PIK3C3: variants seen among roughly 807,000 people sequenced by gnomAD.
PIK3C3 encodes the protein phosphatidylinositol 3-kinase catalytic subunit type 3.
In PIK3C3, 95 loss-of-function variants were observed where a neutral mutation model predicts 126.1. That is an observed-to-expected ratio of 0.75 (90% CI 0.64 to 0.89). PIK3C3 has a LOEUF of 0.89. Among genes scored for constraint, PIK3C3 ranks in the 40% least tolerant of loss-of-function variants. The pLI, the probability that PIK3C3 is intolerant of heterozygous loss-of-function variation, is 0.00. For synonymous variants in PIK3C3, 374 were observed against 360.0 expected, an observed-to-expected ratio of 1.04 and a Z score of -0.44; for missense variants, 829 against 1,063.2, an observed-to-expected ratio of 0.78 and a Z score of 3.06.
rs533424439 is a variant in PIK3C3, at chr18:42,064,618, G to A, written c.2433-122G>A. The A allele has an allele frequency of 2.2e-4, 131 of 583,878 alleles. 3 individuals carry two copies. The South Asian group carries it at 2.9e-3, about 13-fold the overall frequency. 36.2% of individuals were successfully genotyped at this position (583,878 alleles called of 1,614,324 possible). A position where few individuals can be genotyped will look rare whatever the true frequency, so the allele number is the denominator to read the frequency against. On this transcript the variant is annotated intron_variant, in intron 22 of 24. Transcript: ENST00000262039. ...ATTGATACCAACTGATGAATTTTCT[G>A]CTGGAATAATAGTAATCACTGTAGA...
intron 22 of PIK3C3, among the ~76,000 whole-genome samples, chr18:42,060,806 G>T (rs1189409108): frequency 1.3e-5 from 2 of 151,988 alleles, no homozygotes; most frequent in African/African-American, 4.8e-5. Context: ...AAAAAAATGT[G>T]TTTAACTATC....
chr18:41,955,244 TC>T lies in PIK3C3; in HGVS notation c.-46del. ...TCAGCTGGTTCATTTATGTTGTTTT[TC>T]CTGTACCTAAGTTCCCGCTGTAGGT... On this transcript the variant is annotated 5_prime_UTR_variant, in exon 1 of 25. It introduces an in-frame stop codon into an upstream open reading frame of the 5' UTR. Coordinates refer to ENST00000262039, the MANE Select transcript of PIK3C3 (RefSeq NM_002647.4). 1 of 1,521,988 alleles carries T rather than the reference TC, an allele frequency of 6.6e-7. No homozygotes were observed. Among genetic ancestry groups the T allele is most frequent in the Non-Finnish European group, 9.1e-7 (1 of 1,100,758 alleles). The allele number at this position is 1,521,988 out of a possible 1,614,324, so 94.3% of individuals were successfully genotyped here. A position where few individuals can be genotyped will look rare whatever the true frequency, so the allele number is the denominator to read the frequency against.
At chr18:41,996,959 G>A (rs1049247890) in intron 9 of PIK3C3, among the ~76,000 whole-genome samples, 1 of 152,142 alleles carries the variant, frequency 6.6e-6, no homozygotes, top group African/African-American at 2.4e-5. Flanking sequence ...TGAAGTCAGA[G>A]AGACTTGGGT....
intron 15 of PIK3C3, among the ~76,000 whole-genome samples, chr18:42,033,618 G>A (rs1029914401): frequency 2.0e-5 from 3 of 152,168 alleles, no homozygotes; most frequent in African/African-American, 7.2e-5. Flanking sequence ...TCACAGTCAA[G>A]CGATTGTTTG....
intron 21 of PIK3C3, chr18:42,052,786 C>T (rs372501193): frequency 6.6e-6 from 1 of 152,024 alleles, no homozygotes; most frequent in Non-Finnish European, 1.5e-5. Context: ...TAAAAAATGC[C>T]TCGACTGTCA....
In PIK3C3 at chr18:42,013,311, G is replaced by A. The variant is rs557705888; in HGVS notation, c.1171-131G>A. 5.7e-4 allele frequency: 331 copies of A among 584,848 alleles called. 1 individual carries two copies. Among genetic ancestry groups the A allele is most frequent in the African/African-American group, 3.4e-3 (172 of 50,746 alleles). The allele number at this position is 584,848 out of a possible 1,614,324, so 36.2% of individuals were successfully genotyped here. On this transcript the variant is annotated intron_variant, in intron 10 of 24. Transcript: ENST00000262039. ...CAGAGAAGTTAAGTAATTTGGTGAC[G>A]TGCCAAAAGTAATACAGCTGAAAAG...
At chr18:42,037,552 T>A in intron 16 of PIK3C3, 140 bp from the exon 17 acceptor site, 1 of 637,622 alleles carries the variant, frequency 1.6e-6, no homozygotes, top group Non-Finnish European at 2.7e-6. Context: ...CCCTAATGTA[T>A]CTCATTGAAA....
chr18:42,052,849 C>A (rs1168709283), intron 21 of PIK3C3: 1 of 152,090 alleles, frequency 6.6e-6, no homozygotes, highest in African/African-American at 2.4e-5. Context: ...AAATTGAAAA[C>A]TTTGGGTTCT....
intron 4 of PIK3C3, among the ~76,000 whole-genome samples, chr18:41,979,329 T>G (rs531350896): frequency 7.1e-4 from 108 of 152,194 alleles, no homozygotes; most frequent in Non-Finnish European, 1.4e-3. Context: ...GTAAAATCCC[T>G]AAACTCTCAT....
At chr18:42,071,616 A>G (rs988451189) in intron 24 of PIK3C3, among the ~76,000 whole-genome samples, 7 of 151,840 alleles carry the variant, frequency 4.6e-5, no homozygotes, top group Admixed American at 1.3e-4. Context: ...GCTAGTCGGG[A>G]GGCTGAGGCA....
At chr18:42,030,506 T>G (rs989167266) in intron 15 of PIK3C3, among the ~76,000 whole-genome samples, 2 of 152,176 alleles carry the variant, frequency 1.3e-5, no homozygotes, top group African/African-American at 4.8e-5. Context: ...GAGGAAAATA[T>G]GAAGATTTGA....
intron 22 of PIK3C3, among the ~76,000 whole-genome samples, chr18:42,062,238 CTTT>C (rs59113345): frequency 7.0e-6 from 1 of 142,500 alleles, no homozygotes; most frequent in African/African-American, 2.6e-5. Context: ...GAAAGAGCAT[CTTT>C]TTTTTTTTTT....
At chr18:42,072,624 T>A (rs1250838721) in intron 24 of PIK3C3, among the ~76,000 whole-genome samples, 1 of 152,158 alleles carries the variant, frequency 6.6e-6, no homozygotes, top group Non-Finnish European at 1.5e-5. Flanking sequence ...CTTGACCTCC[T>A]GGGCTTGAGT....
chr18:41,975,595 T>C (rs886483910), intron 4 of PIK3C3, among the ~76,000 whole-genome samples: 6 of 152,124 alleles, frequency 3.9e-5, no homozygotes, highest in African/African-American at 1.4e-4. Flanking sequence ...ACTTTGGAAA[T>C]GTAAGTAGTC....
rs1981872308 is a variant in PIK3C3 at position 41,993,339 on chromosome 18, A to G, written c.784A>G (p.Met262Val). The change falls in exon 7 of 25, where the codon ATG becomes GTG. Residue 262 changes from methionine to valine, a missense_variant and splice_region_variant. Physicochemically the swap from Met to Val is conservative, Grantham distance 21 (BLOSUM62 1). Coordinates refer to ENST00000262039, the MANE Select transcript of PIK3C3 (RefSeq NM_002647.4). ...GAAAGTTCCTGACCCCCAGATGTCT[A>G]TGGTAAGTTATTGTGCAATTTTTTT... is the stretch of plus-strand genomic sequence containing the variant. The part of the protein sequence containing the change: ...LVKVPDPQMS[M>V]ENLVESKHHK... 3 of 1,594,826 alleles carry G rather than the reference A, an allele frequency of 1.9e-6. No homozygotes were observed. Among genetic ancestry groups the G allele is most frequent in the Non-Finnish European group, 2.6e-6 (3 of 1,165,464 alleles).
chr18:42,029,020 G>A (rs963269907), intron 14 of PIK3C3, among the ~76,000 whole-genome samples: 6 of 152,164 alleles, frequency 3.9e-5, no homozygotes, highest in Non-Finnish European at 8.8e-5. Flanking sequence ...CAAATAATGA[G>A]TGAATGTATT....
At chr18:42,049,643 A>C in intron 21 of PIK3C3, 38 bp downstream of exon 21, 1 of 1,440,938 alleles carries the variant, frequency 6.9e-7, no homozygotes, top group South Asian at 1.1e-5. Flanking sequence ...TACATTGTAT[A>C]TGCCCATGGT....
chr18:42,026,134 A>T (rs1983556212), intron 13 of PIK3C3: 1 of 152,210 alleles, frequency 6.6e-6, no homozygotes, highest in East Asian at 1.9e-4. Context: ...GTAAAATCAA[A>T]AAAGTCTGAC....
intron 3 of PIK3C3, among the ~76,000 whole-genome samples, chr18:41,967,053 C>T (rs946026261): frequency 1.8e-4 from 27 of 150,622 alleles, no homozygotes; most frequent in African/African-American, 6.1e-4. Context: ...TTTTTTTTTT[C>T]CTCTCTGTCC....
Sources: allele counts gnomAD v4.1 joint callset (sites outside exome capture counted in the v4.1 genomes callset), GRCh38; gene constraint gnomAD v4.1.1; transcripts MANE v1.5; gene names NCBI Gene and HGNC (gene_info 2026-07-23, HGNC 2026-07-21).